The following SSH1 variants were observed in gnomAD, a reference collection of about 807,000 sequenced individuals.
SSH1 encodes slingshot protein phosphatase 1.
Under a neutral mutation model 79.7 loss-of-function variants are expected in SSH1, and 43 were observed. The ratio of observed to expected loss-of-function variants is 0.54; its 90% CI spans 0.42 to 0.70. The LOEUF is 0.70. Ranked by LOEUF, SSH1 falls within the 30% of genes least tolerant of loss-of-function variation. The pLI is 0.00. For synonymous variants in SSH1, 599 were observed against 538.3 expected (o/e 1.11, Z -1.56); for missense variants, 1,206 against 1,358.8 (o/e 0.89, Z 1.77).
Position 108,852,649 on chromosome 12 carries a change from T to C in SSH1, c.99A>G (p.Lys33=), listed in dbSNP as rs747499179. 2 of 1,614,094 alleles carry C rather than the reference T, an allele frequency of 1.2e-6. No individual in the cohort carries two copies. Among genetic ancestry groups the C allele is most frequent in the Non-Finnish European group, 1.7e-6 (2 of 1,180,042 alleles). Reference sequence around the variant, plus strand: ...GAAAGTCTGCTTACCTGAGGTTTAATTTTCGATCTTCTTCGCTGCCAGCCT... The same window carrying C: ...GAAAGTCTGCTTACCTGAGGTTTAACTTTCGATCTTCTTCGCTGCCAGCCT... ...ELEAGSEEDR[K]LNLSLSESFF... Residue 33 remains lysine, a synonymous_variant, in exon 2 of 15, where the codon AAA becomes AAG. Transcript: ENST00000326495.
chr12:108,838,389 G>A (rs906548996), intron 2 of SSH1, among the ~76,000 whole-genome samples: 2 of 152,100 alleles, frequency 1.3e-5, no homozygotes. Context: ...TGGTCTGTGT[G>A]TGTCCAGGTT....
intron 1 of SSH1, among the ~76,000 whole-genome samples, chr12:108,855,696 G>T (rs117593500): frequency 2.0e-5 from 3 of 152,120 alleles, no homozygotes; most frequent in Non-Finnish European, 4.4e-5. Context: ...AGCAGTGACC[G>T]GAACAGAAAA....
In SSH1 at chr12:108,807,780, T is replaced by C. The variant is rs761921991; in HGVS notation, c.584A>G (p.His195Arg). ...AGCTACACCCCCGGGGAAGTAGTTG[T>C]GCCTCCGGGCCACTTCGCAGGCCTT... ...LHKACEVARR[H>R]NYFPGGVALI... The change falls in exon 8 of 15, where the codon CAC becomes CGC. Residue 195 changes from histidine to arginine, a missense_variant. Physicochemically the swap from His to Arg is conservative, Grantham distance 29. This residue lies in a region of SSH1 where 116 missense variants were observed against 109.0 expected (regional missense o/e 1.06). Coordinates refer to ENST00000326495, the MANE Select transcript of SSH1 (RefSeq NM_018984.4). This position sits in a 1 kb window ranked among gnomAD's most constrained non-coding sequence, Gnocchi z 5.2. 6.2e-7 allele frequency: 1 copy of C among 1,613,898 alleles called. No individual in the cohort carries two copies. Among genetic ancestry groups the C allele is most frequent in the Non-Finnish European group, 8.5e-7 (1 of 1,179,918 alleles).
chr12:108,828,748 A>G (rs1470546516), intron 2 of SSH1, among the ~76,000 whole-genome samples: 1 of 152,166 alleles, frequency 6.6e-6, no homozygotes, highest in East Asian at 1.9e-4. Flanking sequence ...GCCCTTCTGC[A>G]CTGCATAGAG....
intron 2 of SSH1, among the ~76,000 whole-genome samples, chr12:108,834,887 T>G (rs934714848): frequency 1.3e-5 from 2 of 152,246 alleles, no homozygotes; most frequent in African/African-American, 4.8e-5. Flanking sequence ...TGCTCTTCTC[T>G]GAAGTCAGTA....
intron 6 of SSH1, 139 bp from the exon 7 acceptor site, chr12:108,809,897 C>T (rs1041871019): frequency 9.3e-6 from 7 of 755,508 alleles, no homozygotes; most frequent in African/African-American, 3.5e-5. Flanking sequence ...AGGGATTTTA[C>T]GGAACCCGCT....
At position 108,778,789 on chromosome 12, in the gene SSH1, T is replaced by C. The variant is rs560981173; in HGVS notation, c.*9199A>G. ...CACAATGTACCATTTGTGGGATAATTTGTCTTTTTAAAATCTTTTATTTTT... is the reference window on the plus strand; with the variant it reads ...CACAATGTACCATTTGTGGGATAATCTGTCTTTTTAAAATCTTTTATTTTT... On this transcript the variant is annotated 3_prime_UTR_variant, in exon 15 of 15. Coordinates refer to ENST00000326495, the MANE Select transcript of SSH1 (RefSeq NM_018984.4). 3.9e-5 allele frequency: 6 copies of C among 153,196 alleles called. No individual in the cohort carries two copies. The highest frequency in any genetic ancestry group is 1.4e-4 in the African/African-American group (6 of 41,530). The allele number at this position is 153,196 out of a possible 1,614,324, so 9.5% of individuals were successfully genotyped here. A position where few individuals can be genotyped will look rare whatever the true frequency, so the allele number is the denominator to read the frequency against.
In SSH1 at chr12:108,787,670, G is replaced by A. The variant is rs2036320212; in HGVS notation, c.*318C>T. 1 of 412,132 alleles carries A rather than the reference G, an allele frequency of 2.4e-6. No homozygotes were observed. 25.5% of individuals were successfully genotyped at this position (412,132 alleles called of 1,614,324 possible). A position where few individuals can be genotyped will look rare whatever the true frequency, so the allele number is the denominator to read the frequency against. ...TCTTCTGCAGGATGCGAAGGGAACA[G>A]TCTGGATGTGTGCGCCTATGTGTGC... On this transcript the variant is annotated 3_prime_UTR_variant, in exon 15 of 15. Transcript: ENST00000326495.
chr12:108,852,132 G>A (rs767426113), intron 2 of SSH1, among the ~76,000 whole-genome samples: 94 of 151,762 alleles, frequency 6.2e-4, no homozygotes, highest in African/African-American at 1.6e-3. Context: ...TTTTCCAAGC[G>A]TTATATAATA....
Position 108,792,778 on chromosome 12 carries a change from C to T in SSH1, c.1401G>A (p.Gln467=), listed in dbSNP as rs1047197045. 1.9e-6 allele frequency: 3 copies of T among 1,613,920 alleles called. 1 individual carries two copies. The highest frequency in any genetic ancestry group is 3.3e-5 in the Admixed American group (2 of 60,022). The change falls in exon 14 of 15, where the codon CAG becomes CAA. Residue 467 remains glutamine, a synonymous_variant. Coordinates refer to ENST00000326495, the MANE Select transcript of SSH1 (RefSeq NM_018984.4). ...GTCCTGCAGGGTCATCCACAGGCTG[C>T]TGGAGGCTGCTGTCTGTCTGCTGAC... The part of the protein sequence containing the change: ...LWRQQTDSSL[Q]QPVDDPAGPG...
At chr12:108,818,382 G>T in intron 3 of SSH1, 69 bp from the exon 4 acceptor site, 1 of 1,428,052 alleles carries the variant, frequency 7.0e-7, no homozygotes, top group Non-Finnish European at 9.8e-7. Context: ...ACCTCTGAAA[G>T]GCTGACTTTG....
Position 108,792,559 on chromosome 12 carries a change from C to A in SSH1, c.1620G>T (p.Leu540=), listed in dbSNP as rs760703290. 4 of 1,613,902 alleles carry A rather than the reference C, an allele frequency of 2.5e-6. No homozygotes were observed. The highest frequency in any genetic ancestry group is 3.4e-6 in the Non-Finnish European group (4 of 1,179,948). Residue 540 remains leucine (L), a synonymous_variant, in exon 14 of 15, where the codon CTG becomes CTT. Coordinates refer to ENST00000326495, the MANE Select transcript of SSH1 (RefSeq NM_018984.4). ...CTGCAGGTGGAGCAGCTTCCTCCAA[C>A]AGAGCCTCCCTCTCCGGATCCTCCA... is the stretch of plus-strand genomic sequence containing the variant. ...VHLEDPEREA[L]LEEAAPPAEV... is the part of the protein sequence containing the mutation.
intron 2 of SSH1, among the ~76,000 whole-genome samples, chr12:108,847,147 C>G (rs1348708333): frequency 6.6e-6 from 1 of 152,196 alleles, no homozygotes; most frequent in Non-Finnish European, 1.5e-5. Flanking sequence ...AATCCACTCA[C>G]CTTGGCTTCC....
In SSH1 at chr12:108,807,579, A is replaced by G; in HGVS notation, c.731+54T>C. 1.3e-6 allele frequency: 2 copies of G among 1,574,132 alleles called. No homozygotes were observed. Among genetic ancestry groups the G allele is most frequent in the African/African-American group, 1.4e-5 (1 of 73,942 alleles). On this transcript the variant is annotated intron_variant, in intron 8 of 14. Transcript: ENST00000326495. The surrounding 1 kb of genome is among the most constrained non-coding windows in gnomAD (Gnocchi z 5.2). ...GGGTCGGGCACAGGGCAGGTGGGGG[A>G]GAGGCAGGTGCCTGTGGGCTTGGGT...
chr12:108,846,641 T>C (rs2038904862), intron 2 of SSH1, among the ~76,000 whole-genome samples: 3 of 152,218 alleles, frequency 2.0e-5, no homozygotes, highest in African/African-American at 4.8e-5. Context: ...CCTTCAGAAA[T>C]ACTGTCTGAG....
intron 12 of SSH1, among the ~76,000 whole-genome samples, chr12:108,800,389 C>T (rs2036939326): frequency 6.6e-6 from 1 of 152,180 alleles, no homozygotes; most frequent in Non-Finnish European, 1.5e-5. Flanking sequence ...CCGTGCATGT[C>T]ATCCCCTAGC....
rs560392103 is a variant in SSH1, at chr12:108,789,188, G to A, written c.1950C>T (p.Ala650=). 1.8e-5 allele frequency: 29 copies of A among 1,608,960 alleles called. No homozygotes were observed. The highest frequency in any genetic ancestry group is 1.1e-4 in the South Asian group (10 of 90,360). ...NKVKPSYKSC[A]DCMYPTASGA... ...CGCTGGCTGTAGGGTACATGCAGTC[G>A]GCACAGGATTTATAGGAAGGCTTCA... is the stretch of plus-strand genomic sequence containing the variant. Residue 650 remains alanine, a synonymous_variant, in exon 15 of 15, where the codon GCC becomes GCT. Coordinates refer to ENST00000326495, the MANE Select transcript of SSH1 (RefSeq NM_018984.4).
chr12:108,821,000 G>A (rs1390553049), intron 3 of SSH1, among the ~76,000 whole-genome samples: 1 of 152,224 alleles, frequency 6.6e-6, no homozygotes, highest in Non-Finnish European at 1.5e-5. Flanking sequence ...AGCAGAGCTT[G>A]AGCATTTGCT....
Position 108,787,900 on chromosome 12 carries a change from G to T in SSH1, c.*88C>A. 6.5e-7 allele frequency: 1 copy of T among 1,531,836 alleles called. No individual in the cohort carries two copies. The highest frequency in any genetic ancestry group is 1.1e-5 in the South Asian group (1 of 88,790). The allele number at this position is 1,531,836 out of a possible 1,614,324, so 94.9% of individuals were successfully genotyped here. A position where few individuals can be genotyped will look rare whatever the true frequency, so the allele number is the denominator to read the frequency against. On this transcript the variant is annotated 3_prime_UTR_variant, in exon 15 of 15. Transcript: ENST00000326495. ...ACTTCACTCGTTTAAGGGAAATCAA[G>T]ATGTAAGGGGTCGATCCAAATCCAC...
Sources: allele counts gnomAD v4.1 joint callset (sites outside exome capture counted in the v4.1 genomes callset), GRCh38; gene constraint gnomAD v4.1.1; regional missense constraint gnomAD v4.1.1; non-coding constraint Gnocchi (gnomAD v3.1); transcripts MANE v1.5; gene names NCBI Gene and HGNC (gene_info 2026-07-23, HGNC 2026-07-21).